Variants in LAMB1 observed in about 807,000 individuals in gnomAD.
LAMB1 encodes laminin subunit beta-1.
LAMB1 carries 121 observed loss-of-function variants against 222.3 expected under a neutral mutation model. The observed-to-expected ratio is 0.54, with a 90% CI of 0.47 to 0.63. LAMB1 has a LOEUF of 0.63. Among genes scored for constraint, LAMB1 ranks in the 30% least tolerant of loss-of-function variants. The pLI is 0.00. For synonymous variants in LAMB1, 794 were observed against 807.2 expected (o/e 0.98, Z 0.28); for missense variants, 2,172 against 2,240.8 (o/e 0.97, Z 0.62).
At chr7:107,980,307 A>G (rs576607771) in intron 8 of LAMB1, among the ~76,000 whole-genome samples, 1 of 152,314 alleles carries the variant, frequency 6.6e-6, no homozygotes, top group African/African-American at 2.4e-5. Flanking sequence ...GGCAGACTCA[A>G]TTGTTATTTA....
rs140151727 is a variant in LAMB1, at chr7:107,977,667, T to C, written c.1000+380A>G. Among the ~76,000 whole-genome samples, 624 of 152,176 alleles carry C rather than the reference T, an allele frequency of 4.1e-3. 4 individuals are homozygous for C. The highest frequency in any genetic ancestry group is 0.014 in the African/African-American group (583 of 41,510). On this transcript the variant is annotated intron_variant, in intron 9 of 33. Transcript: ENST00000222399. ...TTAGCAGGGCATGGTGGCGCGTGCC[T>C]GTAATCTCAGCTACTCCAGGAGAAT...
rs1452253565 is a variant in LAMB1, at chr7:107,986,160, C to A, written c.612+15G>T. The A allele has an allele frequency of 6.2e-7, 1 of 1,613,082 alleles. No individual in the cohort carries two copies. The highest frequency in any genetic ancestry group is 1.7e-5 in the Admixed American group (1 of 60,002). On this transcript the variant is annotated intron_variant, in intron 6 of 33. Transcript: ENST00000222399. ...AGATTTGCAAGTAGAATGTAAAACA[C>A]AGAAGCAAACAAACCTCTCCTTCAG...
chr7:107,956,584 C>T (rs780031886), intron 20 of LAMB1, among the ~76,000 whole-genome samples: 2 of 152,248 alleles, frequency 1.3e-5, no homozygotes, highest in Non-Finnish European at 2.9e-5. Context: ...TTCAGTTCTG[C>T]TCCCTCCTTG....
intron 5 of LAMB1, among the ~76,000 whole-genome samples, chr7:107,991,859 G>C (rs1201928857): frequency 7.6e-6 from 1 of 131,302 alleles, no homozygotes; most frequent in Non-Finnish European, 1.5e-5. Context: ...AGTGAGCTGA[G>C]ATCGCGCCAC....
chr7:107,985,982 CAA>C, intron 7 of LAMB1, 38 bp downstream of exon 7: 2 of 1,473,508 alleles, frequency 1.4e-6, no homozygotes, highest in Non-Finnish European at 1.9e-6. Context: ...AACAAACAAA[CAA>C]ACTAACAAAA....
At position 107,926,230 on chromosome 7, in the gene LAMB1, C is replaced by G. The variant is rs751630523; in HGVS notation, c.5017G>C (p.Glu1673Gln). ...AQNSGEAEYIEKVVYTVKQSA... is the reference protein window; with the variant it reads ...AQNSGEAEYIQKVVYTVKQSA... ...TGCTTCACAGTATATACTACTTTTT[C>G]AATATATTCTGCCTCCCCGGAGTTT... is the stretch of plus-strand genomic sequence containing the variant. The change falls in exon 32 of 34, where the codon GAA becomes CAA. Residue 1673 changes from glutamate to glutamine, a missense_variant. By Grantham distance (29) the Glu-to-Gln change is conservative (BLOSUM62 2). Transcript: ENST00000222399. The G allele has an allele frequency of 1.2e-6, 2 of 1,613,724 alleles. No individual in the cohort carries two copies. Among genetic ancestry groups the G allele is most frequent in the Admixed American group, 1.7e-5 (1 of 59,950 alleles).
intron 24 of LAMB1, among the ~76,000 whole-genome samples, chr7:107,950,548 C>CT (rs1211090558): frequency 6.6e-6 from 1 of 152,134 alleles, no homozygotes; most frequent in Non-Finnish European, 1.5e-5. Context: ...TCATTTCCAT[C>CT]TTTTTTTGTT....
At position 107,978,112 on chromosome 7, in the gene LAMB1, CAG is replaced by C. The variant is rs1247098192; in HGVS notation, c.933_934del (p.Cys312HisfsTer6). 5 of 1,613,916 alleles carry C rather than the reference CAG, an allele frequency of 3.1e-6. No individual in the cohort carries two copies. Reference sequence around the variant, plus strand: ...AGGTAAATCATGGTAGAAATCCATGCAGAGTTCACAGTTTAAGCCCTTGGTGT... The same window carrying C: ...AGGTAAATCATGGTAGAAATCCATGCAGTTCACAGTTTAAGCCCTTGGTGT... On this transcript the variant is annotated frameshift_variant, in exon 9 of 34. Transcript: ENST00000222399. LOFTEE classifies it high-confidence loss of function.
intron 4 of LAMB1, among the ~76,000 whole-genome samples, chr7:107,996,523 TA>T (rs1244089913): frequency 6.6e-6 from 1 of 152,180 alleles, no homozygotes; most frequent in East Asian, 1.9e-4. Context: ...CATAAACTCT[TA>T]AACTGTGATC....
chr7:107,978,392 G>T (rs895608296), intron 8 of LAMB1, among the ~76,000 whole-genome samples: 4 of 150,548 alleles, frequency 2.7e-5, no homozygotes, highest in Admixed American at 6.6e-5. Flanking sequence ...CATAGTGGAT[G>T]CACAAGAAAT....
rs1212254733 is a variant in LAMB1 at position 107,969,286 on chromosome 7, T to C, written c.1562+3706A>G. ...CTGGGCGACAGAGCGAGACTCCGTC[T>C]CAAAAAAAAAAAAAAAAAATCATAA... On this transcript the variant is annotated intron_variant, in intron 13 of 33. Coordinates refer to ENST00000222399, the MANE Select transcript of LAMB1 (RefSeq NM_002291.3). Among the ~76,000 whole-genome samples the C allele has an allele frequency of 4.2e-5, 4 of 95,030 alleles. No homozygotes were observed. The East Asian group carries it at 1.1e-3, about 25-fold the overall frequency. The allele number at this position is 95,030 out of a possible 152,430, so 62.3% of individuals were successfully genotyped here.
intron 4 of LAMB1, among the ~76,000 whole-genome samples, chr7:107,995,554 A>T (rs2034266391): frequency 6.6e-6 from 1 of 152,256 alleles, no homozygotes; most frequent in African/African-American, 2.4e-5. Context: ...AGAGAAAAAA[A>T]GAATCTGTCA....
intron 28 of LAMB1, chr7:107,931,727 A>G (rs1394087590): frequency 1.9e-6 from 1 of 533,986 alleles, no homozygotes; most frequent in Non-Finnish European, 3.2e-6. Flanking sequence ...AGCATTTAAA[A>G]TTTTTCAAGT....
In LAMB1 at chr7:107,981,773, T is replaced by C. The variant is rs538616615; in HGVS notation, c.677-962A>G. Reference sequence around the variant, plus strand: ...ATTTATCAAAGCACTCCAGTTCTCATTGTTATTATAAGATAGTTAGAAACA... The same window carrying C: ...ATTTATCAAAGCACTCCAGTTCTCACTGTTATTATAAGATAGTTAGAAACA... On this transcript the variant is annotated intron_variant, in intron 7 of 33. Transcript: ENST00000222399. 2.3e-4 allele frequency among the ~76,000 whole-genome samples: 35 copies of C among 152,344 alleles called. No individual in the cohort carries two copies. The South Asian group carries it at 6.0e-3, about 26-fold the overall frequency.
chr7:107,950,815 CA>C (rs1439802905), intron 24 of LAMB1, among the ~76,000 whole-genome samples: 1 of 152,130 alleles, frequency 6.6e-6, no homozygotes, highest in Admixed American at 6.5e-5. Context: ...GGAAGTTGGC[CA>C]CAAAATACTG....
intron 8 of LAMB1, among the ~76,000 whole-genome samples, chr7:107,979,160 T>C (rs1431778262): frequency 6.6e-6 from 1 of 152,234 alleles, no homozygotes; most frequent in African/African-American, 2.4e-5. Flanking sequence ...CACAGCTGAT[T>C]TGTTATGCCG....
chr7:107,952,663 A>C (rs907831546), intron 22 of LAMB1, among the ~76,000 whole-genome samples: 3 of 152,336 alleles, frequency 2.0e-5, no homozygotes, highest in African/African-American at 7.2e-5. Flanking sequence ...TAAGGAATCC[A>C]GTCCTGCTGG....
At position 107,980,713 on chromosome 7, in the gene LAMB1, A is replaced by T. The variant is rs1276110606; in HGVS notation, c.775T>A (p.Tyr259Asn). The change falls in exon 8 of 34, where the codon TAT becomes AAT. Residue 259 changes from tyrosine (Y) to asparagine (N), a missense_variant. By Grantham distance (143) the Tyr-to-Asn change is moderately radical (BLOSUM62 -2). Transcript: ENST00000222399. The part of the protein sequence containing the change: ...DSRMEIREKY[Y>N]YAVYDMVVRG... ...ACCACCATATCATAAACTGCATAAT[A>T]ATACTTTTCTCTGATTTCCATCCTG... 1.2e-6 allele frequency: 2 copies of T among 1,613,600 alleles called. No individual in the cohort carries two copies. The highest frequency in any genetic ancestry group is 1.7e-6 in the Non-Finnish European group (2 of 1,179,502).
chr7:107,987,581 T>A (rs1436315400), intron 5 of LAMB1, among the ~76,000 whole-genome samples: 1 of 152,134 alleles, frequency 6.6e-6, no homozygotes, highest in African/African-American at 2.4e-5. Context: ...GTTCAATGCA[T>A]CCTCCGCCTC....
Sources: allele counts gnomAD v4.1 joint callset (sites outside exome capture counted in the v4.1 genomes callset), GRCh38; gene constraint gnomAD v4.1.1; transcripts MANE v1.5; gene names NCBI Gene and HGNC (gene_info 2026-07-23, HGNC 2026-07-21).